Variants in FKBP1A observed in about 807,000 individuals in gnomAD.
FKBP1A encodes FKBP prolyl isomerase 1A, also known as peptidyl-prolyl cis-trans isomerase FKBP1A.
FKBP1A carries 5 observed loss-of-function variants against 14.2 expected under a neutral mutation model. The ratio of observed to expected loss-of-function variants is 0.35; its 90% CI spans 0.18 to 0.74. The LOEUF is 0.74. Among genes scored for constraint, FKBP1A ranks in the 30% least tolerant of loss-of-function variants. The pLI is 0.56. For missense variants in FKBP1A, 53 were observed against 138.8 expected, an observed-to-expected ratio of 0.38 and a Z score of 3.10; for synonymous variants, 42 against 49.1, an observed-to-expected ratio of 0.86 and a Z score of 0.60.
intron 4 of FKBP1A, chr20:1,371,095 G>A (rs2089457439): frequency 1.0e-6 from 1 of 985,402 alleles, no homozygotes; most frequent in East Asian, 1.1e-4. Flanking sequence ...CATTTGTTGT[G>A]GCTTTCAAAC....
rs1423939640 is a variant in FKBP1A, at chr20:1,386,596, A to C, written c.85+6238T>G. On this transcript the variant is annotated intron_variant, in intron 2 of 4. Transcript: ENST00000400137. The surrounding 1 kb of genome is among the most constrained non-coding windows in gnomAD (Gnocchi z 4.7). ...TAGAAGCATGCATGTATGCATCCAA[A>C]GTGTTACTTAAGCTGTGCTATAAAG... Among the ~76,000 whole-genome samples, 1 of 152,238 alleles carries C rather than the reference A, an allele frequency of 6.6e-6. No individual in the cohort carries two copies. Among genetic ancestry groups the C allele is most frequent in the Admixed American group, 6.5e-5 (1 of 15,280 alleles).
intron 2 of FKBP1A, chr20:1,378,154 G>C (rs1435851660): frequency 6.6e-6 from 1 of 152,182 alleles, no homozygotes; most frequent in Non-Finnish European, 1.5e-5. Flanking sequence ...GAAAGTTCCT[G>C]CCCTCCCTGT....
chr20:1,384,304 CAAT>C (rs2089647913), intron 2 of FKBP1A, among the ~76,000 whole-genome samples: 1 of 152,122 alleles, frequency 6.6e-6, no homozygotes, highest in Non-Finnish European at 1.5e-5. Flanking sequence ...GGGAAAGACT[CAAT>C]AAAGGCAAGT....
intron 2 of FKBP1A, chr20:1,391,816 G>A: frequency 2.5e-6 from 1 of 393,822 alleles, no homozygotes; most frequent in East Asian, 3.6e-5. Flanking sequence ...GTTGAGAAAG[G>A]GGAAGGAGGA....
At chr20:1,385,334 G>A (rs550915864) in intron 2 of FKBP1A, among the ~76,000 whole-genome samples, 1 of 152,294 alleles carries the variant, frequency 6.6e-6, no homozygotes, top group South Asian at 2.1e-4. Context: ...AGGTTGCAGT[G>A]AGCCGAGATT....
chr20:1,375,963 G>A (rs1304412320), intron 2 of FKBP1A, among the ~76,000 whole-genome samples: 1 of 152,108 alleles, frequency 6.6e-6, no homozygotes, highest in Non-Finnish European at 1.5e-5. Flanking sequence ...GTGGTCCCTC[G>A]AGGTGCACAC....
At position 1,380,062 on chromosome 20, in the gene FKBP1A, A is replaced by ACAAC. The variant is rs368689746; in HGVS notation, c.86-4463_86-4460dup. On this transcript the variant is annotated intron_variant, in intron 2 of 4. Transcript: ENST00000400137. ...ATCAGATTTGTTCATGAAACAACCA[A>ACAAC]CAACCAACCAACCAACCCCTTCCTC... 4.5e-3 allele frequency among the ~76,000 whole-genome samples: 692 copies of ACAAC among 152,262 alleles called. 4 individuals carry two copies. Among genetic ancestry groups the ACAAC allele is most frequent in the African/African-American group, 0.016 (662 of 41,540 alleles).
At position 1,392,826 on chromosome 20, in the gene FKBP1A, C is replaced by T; in HGVS notation, c.85+8G>A. 6.6e-7 allele frequency: 1 copy of T among 1,504,842 alleles called. No individual in the cohort carries two copies. Among genetic ancestry groups the T allele is most frequent in the Non-Finnish European group, 8.9e-7 (1 of 1,127,794 alleles). 93.2% of individuals were successfully genotyped at this position (1,504,842 alleles called of 1,614,324 possible). On this transcript the variant is annotated splice_region_variant and intron_variant, in intron 2 of 4. Transcript: ENST00000400137. The stretch of plus-strand genomic sequence containing the variant: ...CCGGGCCCCCTCCCCGCTGGGCCCC[C>T]GACTCACCGGTGTAGTGCACCACGC...
intron 2 of FKBP1A, among the ~76,000 whole-genome samples, chr20:1,385,711 C>T (rs954602638): frequency 6.6e-6 from 1 of 152,204 alleles, no homozygotes; most frequent in African/African-American, 2.4e-5. Flanking sequence ...CTGACTTCAC[C>T]TCTGATTACT....
At chr20:1,374,598 C>T (rs1213840969) in intron 3 of FKBP1A, 1 of 152,160 alleles carries the variant, frequency 6.6e-6, no homozygotes, top group East Asian at 1.9e-4. Flanking sequence ...TTGACAAGAC[C>T]TCTCAAAAAC....
intron 4 of FKBP1A, chr20:1,371,563 G>T: frequency 3.2e-6 from 1 of 313,832 alleles, no homozygotes; most frequent in Non-Finnish European, 4.6e-6. Flanking sequence ...TGAGCAGGTG[G>T]ACCGATGCAG....
intron 2 of FKBP1A, among the ~76,000 whole-genome samples, chr20:1,390,165 C>T (rs2089716082): frequency 1.3e-5 from 2 of 152,166 alleles, no homozygotes; most frequent in Non-Finnish European, 2.9e-5. Context: ...TTTTGGCCAC[C>T]TTACTTCCAC....
Position 1,393,046 on chromosome 20 carries a change from A to C in FKBP1A, c.-48T>G. 8.1e-7 allele frequency: 1 copy of C among 1,229,892 alleles called. No individual in the cohort carries two copies. Among genetic ancestry groups the C allele is most frequent in the Non-Finnish European group, 1.1e-6 (1 of 914,708 alleles). The allele number at this position is 1,229,892 out of a possible 1,614,324, so 76.2% of individuals were successfully genotyped here. ...GCGGGCGGCGCGACGGGCGGCGTGG[A>C]CCAACAGCGACCTGGCGGCGGTTCC... is the stretch of plus-strand genomic sequence containing the variant. On this transcript the variant is annotated 5_prime_UTR_variant, in exon 1 of 5. Coordinates refer to ENST00000400137, the MANE Select transcript of FKBP1A (RefSeq NM_000801.5).
In FKBP1A at chr20:1,369,818, G is replaced by T; in HGVS notation, c.*291C>A. The T allele has an allele frequency of 2.0e-6, 1 of 490,368 alleles. No individual in the cohort carries two copies. The highest frequency in any genetic ancestry group is 3.7e-6 in the Non-Finnish European group (1 of 273,184). 30.4% of individuals were successfully genotyped at this position (490,368 alleles called of 1,614,324 possible). The stretch of plus-strand genomic sequence containing the variant: ...CTTAATTGGAAACCTATATCCAAAA[G>T]ACTGAAACTGAATCTTCACCCCAAA... On this transcript the variant is annotated 3_prime_UTR_variant, in exon 5 of 5. Transcript: ENST00000400137.
chr20:1,370,794 G>C, intron 4 of FKBP1A: 1 of 985,230 alleles, frequency 1.0e-6, no homozygotes, highest in South Asian at 4.7e-5. Flanking sequence ...TAATTCCAAG[G>C]CTCCCTCGAG....
chr20:1,372,920 A>G (rs937843527), intron 3 of FKBP1A, among the ~76,000 whole-genome samples: 5 of 152,390 alleles, frequency 3.3e-5, no homozygotes, highest in Non-Finnish European at 5.9e-5. Context: ...TTTAAAAAAT[A>G]TATTTGTGTA....
intron 4 of FKBP1A, chr20:1,371,028 G>A (rs1200766588): frequency 1.0e-6 from 1 of 985,272 alleles, no homozygotes; most frequent in Non-Finnish European, 1.2e-6. Context: ...TTACAGATGT[G>A]CACAACAGGA....
intron 2 of FKBP1A, among the ~76,000 whole-genome samples, chr20:1,381,269 A>G (rs1275505849): frequency 6.6e-6 from 1 of 152,234 alleles, no homozygotes; most frequent in Non-Finnish European, 1.5e-5. Context: ...CCAATAAAAA[A>G]GGGCTAAAGA....
chr20:1,375,019 T>C (rs1025719386), intron 3 of FKBP1A, among the ~76,000 whole-genome samples: 4 of 152,150 alleles, frequency 2.6e-5, no homozygotes, highest in Admixed American at 6.5e-5. Context: ...GTATTTTTAA[T>C]GGAGATGGGG....
Sources: allele counts gnomAD v4.1 joint callset (sites outside exome capture counted in the v4.1 genomes callset), GRCh38; gene constraint gnomAD v4.1.1; non-coding constraint Gnocchi (gnomAD v3.1); transcripts MANE v1.5; gene names NCBI Gene and HGNC (gene_info 2026-07-23, HGNC 2026-07-21).